The following PCDH15 variants were observed in gnomAD, a reference collection of about 807,000 sequenced individuals.
PCDH15 encodes protocadherin related 15.
PCDH15 carries 129 observed loss-of-function variants against 178.5 expected under a neutral mutation model. The ratio of observed to expected loss-of-function variants is 0.72; its 90% CI spans 0.63 to 0.84. The LOEUF (loss-of-function observed/expected upper bound fraction) is 0.84, where lower values mean the gene tolerates loss of function less well. Ranked by LOEUF, PCDH15 falls within the 40% of genes least tolerant of loss-of-function variation. PCDH15 has a pLI of 0.00. For synonymous variants in PCDH15, 800 were observed against 732.0 expected (o/e 1.09, Z -1.50); for missense variants, 2,230 against 2,099.9 (o/e 1.06, Z -1.21).
intron 2 of PCDH15, among the ~76,000 whole-genome samples, chr10:55,110,126 C>A (rs1201133592): frequency 1.3e-5 from 2 of 151,704 alleles, no homozygotes; most frequent in Non-Finnish European, 2.9e-5. Flanking sequence ...TATTATAAGA[C>A]ATTTCTAAAA....
At chr10:54,901,329 G>A (rs935410150) in intron 2 of PCDH15, among the ~76,000 whole-genome samples, 14 of 152,224 alleles carry the variant, frequency 9.2e-5, no homozygotes, top group African/African-American at 3.4e-4. Flanking sequence ...AGTGCATTAA[G>A]GTTACAGTTT....
chr10:54,248,018 T>C (rs1422679138), intron 8 of PCDH15, among the ~76,000 whole-genome samples: 23 of 150,726 alleles, frequency 1.5e-4, no homozygotes, highest in Non-Finnish European at 1.2e-4. Flanking sequence ...GTTTTTTAAA[T>C]TGATAATTTT....
intron 10 of PCDH15, among the ~76,000 whole-genome samples, chr10:54,203,561 G>A (rs1782130399): frequency 6.6e-6 from 1 of 152,124 alleles, no homozygotes; most frequent in Non-Finnish European, 1.5e-5. Context: ...CATATAGAAT[G>A]TACCCGGAAG....
At chr10:54,627,594 G>A (rs542714750) in intron 2 of PCDH15, among the ~76,000 whole-genome samples, 57 of 152,192 alleles carry the variant, frequency 3.7e-4, no homozygotes, top group Non-Finnish European at 5.7e-4. Flanking sequence ...AACTTCTTTC[G>A]TTTGTTAATT....
chr10:54,217,091 T>C (rs1442472695), intron 9 of PCDH15, among the ~76,000 whole-genome samples: 1 of 152,150 alleles, frequency 6.6e-6, no homozygotes, highest in Non-Finnish European at 1.5e-5. Flanking sequence ...TAAAAAATTG[T>C]TACTTATGAG....
intron 16 of PCDH15, among the ~76,000 whole-genome samples, chr10:54,084,668 C>T (rs994433915): frequency 3.3e-5 from 5 of 151,890 alleles, no homozygotes; most frequent in Admixed American, 6.6e-5. Flanking sequence ...AACAAGCTAC[C>T]GAATTTAAAA....
chr10:54,578,015 T>A (rs963761006), intron 2 of PCDH15, among the ~76,000 whole-genome samples: 1 of 152,328 alleles, frequency 6.6e-6, no homozygotes, highest in East Asian at 1.9e-4. Context: ...ATAACATTGA[T>A]TCATACATTG....
Position 53,940,865 on chromosome 10 carries a change from C to T in PCDH15, c.3232+1G>A, listed in dbSNP as rs1476947005. ...AGAACACAAACTAAAAGTCTACTCA[C>T]CTTCTTCATTTCCTGAAACAATGGA... is the stretch of plus-strand genomic sequence containing the variant. On this transcript the variant is annotated splice_donor_variant, in intron 24 of 37. Coordinates refer to ENST00000644397, the MANE Select transcript of PCDH15 (RefSeq NM_001384140.1). LOFTEE classifies it high-confidence loss of function. 6.2e-7 allele frequency: 1 copy of T among 1,604,000 alleles called. No individual in the cohort carries two copies. The highest frequency in any genetic ancestry group is 2.2e-5 in the East Asian group (1 of 44,820).
At chr10:54,212,257 A>T (rs527868321) in intron 10 of PCDH15, among the ~76,000 whole-genome samples, 40 of 152,236 alleles carry the variant, frequency 2.6e-4, no homozygotes, top group African/African-American at 8.9e-4. Context: ...TTAACATAAA[A>T]TAGTCAATGT....
At chr10:54,249,684 T>C (rs1281409983) in intron 8 of PCDH15, among the ~76,000 whole-genome samples, 1 of 152,184 alleles carries the variant, frequency 6.6e-6, no homozygotes, top group Non-Finnish European at 1.5e-5. Context: ...CCCTTTCCTT[T>C]TGGATTTCAG....
intron 2 of PCDH15, among the ~76,000 whole-genome samples, chr10:54,557,656 CAT>C (rs537736515): frequency 9.9e-4 from 151 of 152,252 alleles, no homozygotes; most frequent in Admixed American, 1.6e-3. Flanking sequence ...TTCTTCAAAA[CAT>C]AGCAGTACGA....
chr10:55,309,432 A>T (rs1410045672), intron 1 of PCDH15, among the ~76,000 whole-genome samples: 1 of 151,904 alleles, frequency 6.6e-6, no homozygotes, highest in African/African-American at 2.4e-5. Flanking sequence ...TGGGAGGATC[A>T]CTTGAACCCA....
chr10:55,583,992 C>G (rs1842674766), intron 2 of PCDH15, among the ~76,000 whole-genome samples: 1 of 152,026 alleles, frequency 6.6e-6, no homozygotes, highest in African/African-American at 2.4e-5. Flanking sequence ...ATCTTCCCAC[C>G]TCAGCCTCCC....
intron 1 of PCDH15, among the ~76,000 whole-genome samples, chr10:54,716,699 G>C (rs1288891012): frequency 6.6e-6 from 1 of 151,990 alleles, no homozygotes; most frequent in Non-Finnish European, 1.5e-5. Flanking sequence ...GTAAATCATA[G>C]ATTCAATGCC....
chr10:55,000,207 A>G (rs1839767187), intron 2 of PCDH15, among the ~76,000 whole-genome samples: 2 of 152,124 alleles, frequency 1.3e-5, no homozygotes, highest in South Asian at 2.1e-4. Context: ...GGCTTATTTC[A>G]TCCCTACAGC....
At chr10:54,639,718 C>T (rs982025502) in intron 2 of PCDH15, among the ~76,000 whole-genome samples, 4 of 151,860 alleles carry the variant, frequency 2.6e-5, no homozygotes, top group Admixed American at 6.6e-5. Context: ...CTGTAAAATC[C>T]GCAAAATGTA....
intron 1 of PCDH15, among the ~76,000 whole-genome samples, chr10:55,290,909 T>G (rs1842992342): frequency 6.6e-6 from 1 of 152,134 alleles, no homozygotes; most frequent in South Asian, 2.1e-4. Context: ...AACGGTAGAT[T>G]GTTAACAGTT....
At chr10:55,024,254 T>TAC (rs1262393025) in intron 2 of PCDH15, among the ~76,000 whole-genome samples, 1 of 147,600 alleles carries the variant, frequency 6.8e-6, no homozygotes, top group African/African-American at 2.5e-5. Context: ...TGTATCTGTG[T>TAC]ACACACACAC....
At chr10:55,216,678 T>C (rs1180059603) in intron 1 of PCDH15, among the ~76,000 whole-genome samples, 1 of 151,984 alleles carries the variant, frequency 6.6e-6, no homozygotes, top group East Asian at 1.9e-4. Flanking sequence ...AAAATTTATA[T>C]ATGTATTAAA....
Sources: gnomAD v4.1 joint callset for allele counts (sites outside exome capture counted in the v4.1 genomes callset) on GRCh38, gnomAD v4.1.1 for gene constraint, MANE v1.5 for transcripts, NCBI Gene and HGNC (gene_info 2026-07-23, HGNC 2026-07-21) for gene names.